Variants in ACIN1 observed in about 807,000 individuals in gnomAD.
ACIN1 encodes the protein apoptotic chromatin condensation inducer 1, also known as apoptotic chromatin condensation inducer in the nucleus.
Under a neutral mutation model 146.6 loss-of-function variants are expected in ACIN1, and 16 were observed. That is an observed-to-expected ratio of 0.11 (90% CI 0.07 to 0.17). The LOEUF (loss-of-function observed/expected upper bound fraction) is 0.17, where lower values mean the gene tolerates loss of function less well. Among genes scored for constraint, ACIN1 ranks in the 10% least tolerant of loss-of-function variants. The pLI, the probability that ACIN1 is intolerant of heterozygous loss-of-function variation, is 1.00. For missense variants in ACIN1, 1,357 were observed against 1,609.3 expected, an observed-to-expected ratio of 0.84 and a Z score of 2.68; for synonymous variants, 569 against 582.7, an observed-to-expected ratio of 0.98 and a Z score of 0.34.
intron 8 of ACIN1, among the ~76,000 whole-genome samples, chr14:23,072,001 C>T (rs777706892): frequency 6.6e-6 from 1 of 152,114 alleles, no homozygotes; most frequent in Non-Finnish European, 1.5e-5. Context: ...TATGTGCCTA[C>T]CATCCTCTAT....
intron 8 of ACIN1, among the ~76,000 whole-genome samples, chr14:23,076,306 A>C (rs946168299): frequency 1.3e-5 from 2 of 152,234 alleles, no homozygotes; most frequent in African/African-American, 4.8e-5. Flanking sequence ...ACTGCTCCTC[A>C]GTGAAGACTG....
At chr14:23,089,878 C>A in intron 4 of ACIN1, 104 bp downstream of exon 4, 2 of 1,348,890 alleles carry the variant, frequency 1.5e-6, no homozygotes, top group Non-Finnish European at 1.9e-6. Context: ...ACAGAATTTC[C>A]CTGGGACTTT....
chr14:23,063,717 C>A, intron 12 of ACIN1, 140 bp from the exon 13 acceptor site: 2 of 1,005,858 alleles, frequency 2.0e-6, no homozygotes, highest in South Asian at 3.3e-5. Flanking sequence ...CGGCTCACTT[C>A]TACCAGATCC....
rs372960838 is a variant in ACIN1 at position 23,070,213 on chromosome 14, G to A, written c.2124-596C>T. ...GAAAATGGTGGGGGGTGGGGGGTGCGGGGCGGGGGGTGGGAGCTGCAGGGA... is the reference window on the plus strand; with the variant it reads ...GAAAATGGTGGGGGGTGGGGGGTGCAGGGCGGGGGGTGGGAGCTGCAGGGA... On this transcript the variant is annotated intron_variant, in intron 8 of 18. Transcript: ENST00000605057. 1.6e-3 allele frequency among the ~76,000 whole-genome samples: 231 copies of A among 143,136 alleles called. 7 individuals are homozygous for A. In the East Asian group the frequency reaches 0.035, roughly 22 times the overall value. The allele number at this position is 143,136 out of a possible 152,430, so 93.9% of individuals were successfully genotyped here.
At chr14:23,090,794 C>T (rs921890375) in intron 2 of ACIN1, among the ~76,000 whole-genome samples, 161 bp from the exon 3 acceptor site, 1 of 152,154 alleles carries the variant, frequency 6.6e-6, no homozygotes, top group Non-Finnish European at 1.5e-5. Flanking sequence ...TATTGAAGAA[C>T]AGAATAGCCT....
rs2140153722 is a variant in ACIN1, at chr14:23,079,944, G to A, written c.1391C>T (p.Ser464Leu). Reference sequence around the variant, plus strand: ...AGGGAGGGGCTGAGCAGATCTGTCTGACTCAGGTTCAAGATCCTTCTGGGC... The same window carrying A: ...AGGGAGGGGCTGAGCAGATCTGTCTAACTCAGGTTCAAGATCCTTCTGGGC... ...YSAQKDLEPE[S>L]DRSAQPLPLK... Residue 464 changes from serine (S) to leucine (L), a missense_variant, in exon 6 of 19, where the codon TCA becomes TTA. Ser to Leu is a moderately radical substitution (Grantham distance 145). This residue lies in a region of ACIN1 where 771 missense variants were observed against 746.6 expected (regional missense o/e 1.03). Transcript: ENST00000605057. The A allele has an allele frequency of 6.2e-7, 1 of 1,614,122 alleles. No individual in the cohort carries two copies. The highest frequency in any genetic ancestry group is 8.5e-7 in the Non-Finnish European group (1 of 1,180,030).
chr14:23,059,530 C>T, intron 18 of ACIN1, 56 bp from the exon 19 acceptor site: 3 of 1,433,838 alleles, frequency 2.1e-6, no homozygotes, highest in Non-Finnish European at 2.0e-6. Context: ...TCACAGCCTC[C>T]ATTTGTGCCT....
chr14:23,065,816 C>T (rs1413364386), intron 10 of ACIN1, 150 bp downstream of exon 10: 6 of 667,752 alleles, frequency 9.0e-6, no homozygotes, highest in Non-Finnish European at 1.6e-5. Context: ...TGAAACCCTA[C>T]ATAGGAAAGG....
chr14:23,066,143 GAC>G (rs1428641948), intron 9 of ACIN1, 135 bp from the exon 10 acceptor site: 14 of 661,712 alleles, frequency 2.1e-5, no homozygotes, highest in African/African-American at 3.7e-5. Flanking sequence ...GACAGAGAGA[GAC>G]ACAGAGACAG....
chr14:23,062,026 A>C (rs2047307974), intron 16 of ACIN1, 142 bp downstream of exon 16: 2 of 674,708 alleles, frequency 3.0e-6, no homozygotes, highest in Non-Finnish European at 5.1e-6. Flanking sequence ...GCCCCATGGT[A>C]CAATTAAAGG....
chr14:23,080,589 T>A lies in ACIN1; in HGVS notation c.746A>T (p.Glu249Val), dbSNP rs774827314. ...TTTTACTCTAGGTATCTCTTCCCCT[T>A]CTTCCTTAAACTCTTTCAGGATTGG... is the stretch of plus-strand genomic sequence containing the variant. The part of the protein sequence containing the change: ...EAPILKEFKE[E>V]GEEIPRVKPE... The change falls in exon 6 of 19, where the codon GAA becomes GTA. Residue 249 changes from glutamate to valine, a missense_variant. Physicochemically the swap from Glu to Val is moderately radical, Grantham distance 121. Coordinates refer to ENST00000605057, the MANE Select transcript of ACIN1 (RefSeq NM_001386863.1). 11 of 1,614,128 alleles carry A rather than the reference T, an allele frequency of 6.8e-6. No homozygotes were observed. The Middle Eastern group carries it at 4.9e-4, about 73-fold the overall frequency.
chr14:23,072,236 G>T (rs1190280407), intron 8 of ACIN1, among the ~76,000 whole-genome samples: 1 of 152,210 alleles, frequency 6.6e-6, no homozygotes, highest in African/African-American at 2.4e-5. Context: ...GGGGGGCAGG[G>T]TTGGTGTCTC....
In ACIN1 at chr14:23,067,347, T is replaced by C. The variant is rs2047490446; in HGVS notation, c.2266-1339A>G. On this transcript the variant is annotated intron_variant, in intron 9 of 18. Transcript: ENST00000605057. This position sits in a 1 kb window ranked among gnomAD's most constrained non-coding sequence, Gnocchi z 4.6. ...TTCAGTTCAGCCAATCGCACCTCAC[T>C]GTGTACTGTATCTAGTCAACCGCCG... 1 of 985,706 alleles carries C rather than the reference T, an allele frequency of 1.0e-6. No individual in the cohort carries two copies. The highest frequency in any genetic ancestry group is 6.1e-5 in the Admixed American group (1 of 16,264). The allele number at this position is 985,706 out of a possible 1,614,324, so 61.1% of individuals were successfully genotyped here. A position where few individuals can be genotyped will look rare whatever the true frequency, so the allele number is the denominator to read the frequency against.
In ACIN1 at chr14:23,063,251, G is replaced by C. The variant is rs1205489653; in HGVS notation, c.2738-177C>G. On this transcript the variant is annotated intron_variant, in intron 13 of 18. Coordinates refer to ENST00000605057, the MANE Select transcript of ACIN1 (RefSeq NM_001386863.1). ...GCTAGGCTAACCTCCTCATCATGGA[G>C]ATTCAAAGATTAAACAGAGTCAAAT... 3 of 1,096,536 alleles carry C rather than the reference G, an allele frequency of 2.7e-6. No individual in the cohort carries two copies. In the African/African-American group the frequency reaches 4.8e-5, roughly 18 times the overall value. 67.9% of individuals were successfully genotyped at this position (1,096,536 alleles called of 1,614,324 possible).
chr14:23,070,533 C>T (rs1184872582), intron 8 of ACIN1, among the ~76,000 whole-genome samples: 2 of 152,076 alleles, frequency 1.3e-5, no homozygotes, highest in Non-Finnish European at 2.9e-5. Flanking sequence ...CAAGTTAGCT[C>T]CCATTTCAGG....
chr14:23,061,569 CTCTG>C lies in ACIN1; in HGVS notation c.3149_3152del (p.Thr1050ArgfsTer121). On this transcript the variant is annotated frameshift_variant, in exon 17 of 19. Coordinates refer to ENST00000605057, the MANE Select transcript of ACIN1 (RefSeq NM_001386863.1). LOFTEE classifies it high-confidence loss of function. The stretch of plus-strand genomic sequence containing the variant: ...GCAGGGGCCGTGGTATTCCCTGCTC[CTCTG>C]TCTTAGTTTCAGAGGGACGGTCCAC... 6.4e-7 allele frequency: 1 copy of C among 1,569,954 alleles called. No homozygotes were observed. The highest frequency in any genetic ancestry group is 8.6e-7 in the Non-Finnish European group (1 of 1,158,234).
In ACIN1 at chr14:23,069,513, C is replaced by T. The variant is rs144405076; in HGVS notation, c.2228G>A (p.Arg743His). Residue 743 changes from arginine to histidine, a missense_variant, in exon 9 of 19, where the codon CGC becomes CAC. By Grantham distance (29) the Arg-to-His change is conservative. Transcript: ENST00000605057. ...CTCATCTTCAACACTGCCCTCCGGG[C>T]GGTCATCATTGCTGACTTGGTCTGC... ...PIADQVSNDD[R>H]PEGSVEDEEK... is the part of the protein sequence containing the mutation. 2.4e-5 allele frequency: 39 copies of T among 1,614,008 alleles called. No individual in the cohort carries two copies. The African/African-American group carries it at 4.0e-4, about 17-fold the overall frequency.
At chr14:23,095,471 T>C (rs1772265858), upstream of ACIN1, 2 of 833,766 alleles carry the variant, frequency 2.4e-6, no homozygotes, top group African/African-American at 3.5e-5. Flanking sequence ...CTGGGGCGCT[T>C]GGGTGTTTGG....
intron 7 of ACIN1, 49 bp downstream of exon 7, chr14:23,078,771 T>A: frequency 6.4e-7 from 1 of 1,570,918 alleles, no homozygotes; most frequent in Non-Finnish European, 8.7e-7. Flanking sequence ...AGAGGGAAGA[T>A]CTTGCTTAAT....
Sources: allele counts gnomAD v4.1 joint callset (sites outside exome capture counted in the v4.1 genomes callset), GRCh38; gene constraint gnomAD v4.1.1; regional missense constraint gnomAD v4.1.1; non-coding constraint Gnocchi (gnomAD v3.1); transcripts MANE v1.5; gene names NCBI Gene and HGNC (gene_info 2026-07-23, HGNC 2026-07-21).